Variants in ARHGAP12 observed in about 807,000 individuals in gnomAD.
ARHGAP12 encodes the protein Rho GTPase activating protein 12.
Under a neutral mutation model 108.6 loss-of-function variants are expected in ARHGAP12, and 64 were observed. The observed-to-expected ratio is 0.59, with a 90% confidence interval of 0.48 to 0.73. The LOEUF (loss-of-function observed/expected upper bound fraction) is 0.73. Ranked by LOEUF, ARHGAP12 falls within the 30% of genes least tolerant of loss-of-function variation. ARHGAP12 has a pLI of 0.00. For missense variants in ARHGAP12, 940 were observed against 1,005.9 expected (o/e 0.93, Z 0.89); for synonymous variants, 312 against 337.2 (o/e 0.93, Z 0.82).
At chr10:31,893,591 G>C (rs1219215151) in intron 3 of ARHGAP12, among the ~76,000 whole-genome samples, 1 of 152,134 alleles carries the variant, frequency 6.6e-6, no homozygotes, top group Non-Finnish European at 1.5e-5. Context: ...CTCTGAAATA[G>C]AGGCAATAAT....
intron 3 of ARHGAP12, among the ~76,000 whole-genome samples, chr10:31,864,936 C>G (rs964888305): frequency 1.3e-5 from 2 of 151,952 alleles, no homozygotes; most frequent in Non-Finnish European, 2.9e-5. Flanking sequence ...AGGAAGAGAC[C>G]CGGAAACAAG....
intron 3 of ARHGAP12, among the ~76,000 whole-genome samples, chr10:31,878,343 AT>A (rs1837812789): frequency 6.6e-6 from 1 of 152,210 alleles, no homozygotes; most frequent in South Asian, 2.1e-4. Context: ...ACTTTCAAAC[AT>A]CTTGGACTTC....
intron 10 of ARHGAP12, among the ~76,000 whole-genome samples, chr10:31,829,762 C>T (rs1390856146): frequency 6.6e-6 from 1 of 152,156 alleles, no homozygotes; most frequent in African/African-American, 2.4e-5. Flanking sequence ...TGAGTATGAA[C>T]CGTTCACCGG....
chr10:31,815,600 C>T (rs1835175553), intron 13 of ARHGAP12, among the ~76,000 whole-genome samples: 1 of 152,068 alleles, frequency 6.6e-6, no homozygotes, highest in African/African-American at 2.4e-5. Flanking sequence ...TCAAGTTCTA[C>T]CAGAAAAACT....
chr10:31,861,769 T>G, intron 3 of ARHGAP12, 111 bp from the exon 4 acceptor site: 1 of 928,570 alleles, frequency 1.1e-6, no homozygotes, highest in Non-Finnish European at 1.6e-6. Context: ...AAAACATATA[T>G]ACAGGTGAAT....
chr10:31,816,370 T>C (rs1835206727), intron 13 of ARHGAP12, among the ~76,000 whole-genome samples: 1 of 152,174 alleles, frequency 6.6e-6, no homozygotes, highest in Non-Finnish European at 1.5e-5. Flanking sequence ...TGTACCCCCC[T>C]ACCATCGTAA....
At chr10:31,853,512 A>C (rs1004074054) in intron 5 of ARHGAP12, among the ~76,000 whole-genome samples, 21 of 152,250 alleles carry the variant, frequency 1.4e-4, no homozygotes, top group African/African-American at 5.1e-4. Flanking sequence ...GAGGCAGGAA[A>C]GAGGGATAAA....
chr10:31,824,561 G>A (rs555040728), intron 11 of ARHGAP12, among the ~76,000 whole-genome samples: 1 of 152,168 alleles, frequency 6.6e-6, no homozygotes, highest in East Asian at 1.9e-4. Flanking sequence ...GTTCTGAATC[G>A]TGTGTAAGAT....
At chr10:31,911,515 T>C (rs1839347933) in intron 1 of ARHGAP12, among the ~76,000 whole-genome samples, 1 of 152,092 alleles carries the variant, frequency 6.6e-6, no homozygotes, top group Non-Finnish European at 1.5e-5. Flanking sequence ...GGTTCCACCA[T>C]GTTGCCCAGG....
At chr10:31,859,140 G>A (rs1341341545) in intron 4 of ARHGAP12, among the ~76,000 whole-genome samples, 6 of 152,186 alleles carry the variant, frequency 3.9e-5, no homozygotes, top group Admixed American at 3.9e-4. Flanking sequence ...AAGATTCTGA[G>A]TTGGGGGACA....
At chr10:31,811,564 T>C (rs1278097635) in intron 15 of ARHGAP12, among the ~76,000 whole-genome samples, 3 of 151,814 alleles carry the variant, frequency 2.0e-5, no homozygotes, top group Non-Finnish European at 4.4e-5. Flanking sequence ...TTTTTTAAGT[T>C]TTTAAAGACT....
chr10:31,821,667 C>T (rs1422965691), intron 11 of ARHGAP12, among the ~76,000 whole-genome samples: 1 of 152,162 alleles, frequency 6.6e-6, no homozygotes, highest in Non-Finnish European at 1.5e-5. Context: ...TTCCCGTTTA[C>T]ATCTTTTTAG....
intron 3 of ARHGAP12, among the ~76,000 whole-genome samples, chr10:31,863,004 A>G (rs1837187121): frequency 6.6e-6 from 1 of 152,214 alleles, no homozygotes. Flanking sequence ...ATATTTGTCT[A>G]TAATGTTTGT....
At chr10:31,897,927 G>A (rs754559210) in intron 3 of ARHGAP12, among the ~76,000 whole-genome samples, 26 of 152,032 alleles carry the variant, frequency 1.7e-4, no homozygotes, top group Admixed American at 6.6e-4. Flanking sequence ...GGAGTTTGAG[G>A]CCAGCGTGGG....
At chr10:31,874,130 A>T (rs1413497626) in intron 3 of ARHGAP12, among the ~76,000 whole-genome samples, 3 of 152,242 alleles carry the variant, frequency 2.0e-5, no homozygotes, top group African/African-American at 7.2e-5. Context: ...GAATAAATCT[A>T]AACTTAGAAG....
Position 31,908,880 on chromosome 10 carries a change from G to A in ARHGAP12, c.-25C>T. On this transcript the variant is annotated 5_prime_UTR_variant, in exon 3 of 20. Coordinates refer to ENST00000344936, the MANE Select transcript of ARHGAP12 (RefSeq NM_018287.7). Reference sequence around the variant, plus strand: ...TTCAATAATATTCACCTCTCAAAAAGGATGTTATACCACATTATGGCTTTA... The same window carrying A: ...TTCAATAATATTCACCTCTCAAAAAAGATGTTATACCACATTATGGCTTTA... 6.4e-7 allele frequency: 1 copy of A among 1,550,572 alleles called. No homozygotes were observed. The highest frequency in any genetic ancestry group is 2.2e-5 in the East Asian group (1 of 44,476).
intron 3 of ARHGAP12, among the ~76,000 whole-genome samples, chr10:31,884,873 A>T (rs1357389163): frequency 2.6e-5 from 4 of 151,984 alleles, no homozygotes; most frequent in Non-Finnish European, 5.9e-5. Context: ...AGCTCAAAAA[A>T]CTCACCATGT....
At position 31,861,479 on chromosome 10, in the gene ARHGAP12, T is replaced by C. The variant is rs1222016030; in HGVS notation, c.864A>G (p.Thr288=). The change falls in exon 4 of 20, where the codon ACA becomes ACG. Residue 288 remains threonine (T), a synonymous_variant. Coordinates refer to ENST00000344936, the MANE Select transcript of ARHGAP12 (RefSeq NM_018287.7). The part of the protein sequence containing the change: ...SGRCYYYNRG[T]QERTWKPPRW... ...GAGGAGGTTTCCAAGTTCTTTCCTG[T>C]GTCCCTCTGTTATAGTAATAGCAAC... The C allele has an allele frequency of 1.9e-6, 3 of 1,614,220 alleles. No individual in the cohort carries two copies. Among genetic ancestry groups the C allele is most frequent in the Admixed American group, 1.7e-5 (1 of 60,032 alleles).
At chr10:31,925,563 G>A (rs373688872) in intron 1 of ARHGAP12, among the ~76,000 whole-genome samples, 10 of 152,044 alleles carry the variant, frequency 6.6e-5, no homozygotes, top group African/African-American at 1.9e-4. Flanking sequence ...CTGTTCCAGG[G>A]TCCCATCCAG....
Sources: gnomAD v4.1 joint callset for allele counts (sites outside exome capture counted in the v4.1 genomes callset) on GRCh38, gnomAD v4.1.1 for gene constraint, MANE v1.5 for transcripts, NCBI Gene and HGNC (gene_info 2026-07-23, HGNC 2026-07-21) for gene names.